The following CAMK2B variants were observed in gnomAD, a reference collection of about 807,000 sequenced individuals.
CAMK2B encodes calcium/calmodulin dependent protein kinase II beta.
In CAMK2B, 27 loss-of-function variants were observed where a neutral mutation model predicts 93.7. The ratio of observed to expected loss-of-function variants is 0.29; its 90% CI spans 0.21 to 0.40. CAMK2B has a LOEUF of 0.40. Among genes scored for constraint, CAMK2B ranks in the 10% least tolerant of loss-of-function variants. The pLI, the probability that CAMK2B is intolerant of heterozygous loss-of-function variation, is 1.00. For missense variants in CAMK2B, 568 were observed against 895.8 expected (o/e 0.63, Z 4.67); for synonymous variants, 374 against 358.8 (o/e 1.04, Z -0.48).
intron 1 of CAMK2B, among the ~76,000 whole-genome samples, chr7:44,289,495 C>T (rs1786129463): frequency 1.3e-5 from 2 of 152,222 alleles, no homozygotes; most frequent in African/African-American, 4.8e-5. Flanking sequence ...AGTTAAGACA[C>T]TTGGTAACGA....
intron 11 of CAMK2B, among the ~76,000 whole-genome samples, chr7:44,241,132 GAACTGCTCAGAGACC>G (rs1011298086): frequency 1.1e-4 from 17 of 152,264 alleles, no homozygotes; most frequent in East Asian, 3.9e-4. Flanking sequence ...CTTCCGGGGA[GAACTGCTCAGAGACC>G]AGCAGAGGGC....
At chr7:44,281,467 G>A (rs1462281061) in intron 2 of CAMK2B, among the ~76,000 whole-genome samples, 2 of 152,142 alleles carry the variant, frequency 1.3e-5, no homozygotes, top group Non-Finnish European at 2.9e-5. Flanking sequence ...ACTGACCCAC[G>A]ACTCCCAGCG....
chr7:44,292,435 G>C (rs1171324136), intron 1 of CAMK2B, among the ~76,000 whole-genome samples: 1 of 152,178 alleles, frequency 6.6e-6, no homozygotes, highest in Non-Finnish European at 1.5e-5. Context: ...CTGCCTGGTG[G>C]AATCTGCCAC....
rs185923257 is a variant in CAMK2B at position 44,225,688 on chromosome 7, C to G, written c.1597+828G>C. ...TCCCCACACCCTTCTGCCCTGGCCG[C>G]CTGCAGCAGCCCCCAGGCCCAGCCT... On this transcript the variant is annotated intron_variant, in intron 20 of 23. Coordinates refer to ENST00000395749, the MANE Select transcript of CAMK2B (RefSeq NM_001220.5). This position sits in a 1 kb window ranked among gnomAD's most constrained non-coding sequence, Gnocchi z 5.0. The G allele has an allele frequency of 4.8e-5, 61 of 1,267,172 alleles. No homozygotes were observed. In the East Asian group the frequency reaches 3.2e-3, roughly 66 times the overall value. 78.5% of individuals were successfully genotyped at this position (1,267,172 alleles called of 1,614,324 possible). A position where few individuals can be genotyped will look rare whatever the true frequency, so the allele number is the denominator to read the frequency against.
intron 1 of CAMK2B, among the ~76,000 whole-genome samples, chr7:44,305,505 A>T (rs1791216846): frequency 6.6e-6 from 1 of 152,222 alleles, no homozygotes; most frequent in Non-Finnish European, 1.5e-5. Context: ...AAATGAAACA[A>T]AAAATCCCCA....
chr7:44,250,845 G>A (rs1190852339), intron 5 of CAMK2B, among the ~76,000 whole-genome samples: 1 of 152,144 alleles, frequency 6.6e-6, no homozygotes, highest in Non-Finnish European at 1.5e-5. Context: ...TGCTTTTTAA[G>A]GTTTTTTTAA....
chr7:44,225,488 G>C lies in CAMK2B; in HGVS notation c.1597+1028C>G, dbSNP rs576655261. ...CCTCTCCCCTCAGCTGCTTGCCTCTGATCCCCTCAGTCAACCCCTGCTGGG... is the reference window on the plus strand; with the variant it reads ...CCTCTCCCCTCAGCTGCTTGCCTCTCATCCCCTCAGTCAACCCCTGCTGGG... On this transcript the variant is annotated intron_variant, in intron 20 of 23. Transcript: ENST00000395749. This position sits in a 1 kb window ranked among gnomAD's most constrained non-coding sequence, Gnocchi z 5.0. Among the ~76,000 whole-genome samples the C allele has an allele frequency of 6.6e-6, 1 of 152,210 alleles. No homozygotes were observed. The highest frequency in any genetic ancestry group is 2.4e-5 in the African/African-American group (1 of 41,522).
At position 44,286,444 on chromosome 7, in the gene CAMK2B, C is replaced by A. The variant is rs1281711030; in HGVS notation, c.66-2219G>T. On this transcript the variant is annotated intron_variant, in intron 1 of 23. Transcript: ENST00000395749. This position sits in a 1 kb window ranked among gnomAD's most constrained non-coding sequence, Gnocchi z 4.0. ...TGCCAAGCTGATGATGCCCGTATGG[C>A]ACCGCTGTGTCGAGCCCGTCCCCGG... Among the ~76,000 whole-genome samples, 2 of 152,174 alleles carry A rather than the reference C, an allele frequency of 1.3e-5. No homozygotes were observed. The highest frequency in any genetic ancestry group is 6.5e-5 in the Admixed American group (1 of 15,286).
intron 1 of CAMK2B, 46 bp from the exon 2 acceptor site, chr7:44,284,271 A>G (rs755122801): frequency 8.2e-6 from 11 of 1,345,914 alleles, no homozygotes; most frequent in South Asian, 2.4e-5. Context: ...AGAGACAGAC[A>G]AGGAGAAAGA....
chr7:44,299,442 C>T (rs570575452), intron 1 of CAMK2B, among the ~76,000 whole-genome samples: 3 of 152,102 alleles, frequency 2.0e-5, no homozygotes, highest in East Asian at 1.9e-4. Flanking sequence ...GAAAAAATTT[C>T]GGACAATGAT....
chr7:44,253,831 C>T (rs1230824184), intron 5 of CAMK2B, among the ~76,000 whole-genome samples: 1 of 151,604 alleles, frequency 6.6e-6, no homozygotes, highest in Non-Finnish European at 1.5e-5. Flanking sequence ...CTCCTAGCCT[C>T]AAGCAATCCT....
chr7:44,256,506 CAT>C (rs1265135734), intron 4 of CAMK2B, among the ~76,000 whole-genome samples: 6 of 152,202 alleles, frequency 3.9e-5, no homozygotes, highest in East Asian at 1.9e-4. Context: ...CATGCGCACA[CAT>C]GTGTGCATGT....
At position 44,239,478 on chromosome 7, in the gene CAMK2B, G is replaced by A. The variant is rs955248654; in HGVS notation, c.1021+111C>T. On this transcript the variant is annotated intron_variant, in intron 13 of 23. Transcript: ENST00000395749. ...GAGCAGGGGCTCCCGGGGGCCTGGC[G>A]GCCTCTGGGGCGGCTCTGGAGCCCG... 44 of 935,858 alleles carry A rather than the reference G, an allele frequency of 4.7e-5. 1 individual carries two copies. Among genetic ancestry groups the A allele is most frequent in the Middle Eastern group, 3.1e-4 (1 of 3,200 alleles). 58.0% of individuals were successfully genotyped at this position (935,858 alleles called of 1,614,324 possible). A position where few individuals can be genotyped will look rare whatever the true frequency, so the allele number is the denominator to read the frequency against.
rs1378321650 is a variant in CAMK2B at position 44,218,076 on chromosome 7, G to A, written c.*1449C>T. 6.5e-6 allele frequency: 1 copy of A among 153,018 alleles called. No homozygotes were observed. The highest frequency in any genetic ancestry group is 2.1e-4 in the South Asian group (1 of 4,860). 9.5% of individuals were successfully genotyped at this position (153,018 alleles called of 1,614,324 possible). On this transcript the variant is annotated 3_prime_UTR_variant, in exon 24 of 24. Transcript: ENST00000395749. ...GTCCCCAGCCCGCCTTATCTCCATA[G>A]CTGCATCCCTGGCCCACCTAGAAGG...
At chr7:44,231,226 C>T (rs1033754213) in intron 16 of CAMK2B, among the ~76,000 whole-genome samples, 172 bp from the exon 17 acceptor site, 15 of 152,212 alleles carry the variant, frequency 9.9e-5, no homozygotes, top group Non-Finnish European at 1.9e-4. Context: ...GGGGACATGC[C>T]CTCTGGCGGC....
intron 2 of CAMK2B, among the ~76,000 whole-genome samples, chr7:44,277,143 C>T (rs887473467): frequency 6.6e-6 from 1 of 151,052 alleles, no homozygotes; most frequent in African/African-American, 2.4e-5. Flanking sequence ...TCATTGTGGA[C>T]AATGAGCAGC....
chr7:44,245,613 C>G (rs141861487), intron 6 of CAMK2B, among the ~76,000 whole-genome samples: 1 of 152,176 alleles, frequency 6.6e-6, no homozygotes, highest in African/African-American at 2.4e-5. Context: ...CACCTGGGGG[C>G]CCCCTCCTCC....
intron 22 of CAMK2B, 34 bp downstream of exon 22, chr7:44,220,582 G>T (rs541841685): frequency 6.4e-7 from 1 of 1,560,358 alleles, no homozygotes; most frequent in African/African-American, 1.4e-5. Context: ...TGGGGGCACC[G>T]CCCCCTCATG....
intron 1 of CAMK2B, among the ~76,000 whole-genome samples, chr7:44,306,722 G>A (rs1005812556): frequency 6.6e-6 from 1 of 151,304 alleles, no homozygotes; most frequent in Admixed American, 6.6e-5. Context: ...CAGTGAGCAG[G>A]AGGAGGGTGT....
Sources: allele counts gnomAD v4.1 joint callset (sites outside exome capture counted in the v4.1 genomes callset), GRCh38; gene constraint gnomAD v4.1.1; non-coding constraint Gnocchi (gnomAD v3.1); transcripts MANE v1.5; gene names NCBI Gene and HGNC (gene_info 2026-07-23, HGNC 2026-07-21).